DIAPH3: variants seen among roughly 807,000 people sequenced by gnomAD.
DIAPH3 encodes the protein diaphanous related formin 3, also known as protein diaphanous homolog 3.
DIAPH3 carries 117 observed loss-of-function variants against 144.3 expected under a neutral mutation model. That is an observed-to-expected ratio of 0.81 (90% CI 0.70 to 0.95). DIAPH3 has a LOEUF of 0.95. DIAPH3 is among the 40% of genes least tolerant of loss of function. DIAPH3 has a pLI of 0.00. For missense variants in DIAPH3, 1,421 were observed against 1,412.7 expected, an observed-to-expected ratio of 1.01 and a Z score of -0.09; for synonymous variants, 519 against 488.9, an observed-to-expected ratio of 1.06 and a Z score of -0.81.
chr13:59,934,214 GC>G (rs2048155741), intron 17 of DIAPH3, among the ~76,000 whole-genome samples: 1 of 152,040 alleles, frequency 6.6e-6, no homozygotes, highest in African/African-American at 2.4e-5. Context: ...TTTTGTTGGT[GC>G]TCCCTGGTTA....
At chr13:60,015,792 C>T in intron 7 of DIAPH3, 121 bp downstream of exon 7, 1 of 879,342 alleles carries the variant, frequency 1.1e-6, no homozygotes. Context: ...CAATAAAATT[C>T]AATATTTTTC....
intron 4 of DIAPH3, among the ~76,000 whole-genome samples, chr13:60,053,368 G>A (rs2056433443): frequency 6.6e-6 from 1 of 152,032 alleles, no homozygotes; most frequent in Admixed American, 6.6e-5. Flanking sequence ...ACAAAAATTA[G>A]AAGGATATTT....
At chr13:59,818,451 C>T (rs1346214348) in intron 24 of DIAPH3, among the ~76,000 whole-genome samples, 1 of 151,510 alleles carries the variant, frequency 6.6e-6, no homozygotes, top group Non-Finnish European at 1.5e-5. Context: ...ATTGTTGTTG[C>T]TTTGGGGGTC....
intron 7 of DIAPH3, chr13:60,013,048 C>A (rs958230667): frequency 1.0e-6 from 1 of 985,248 alleles, no homozygotes. Context: ...TGTCAACTTA[C>A]CAGTGCTCGG....
chr13:59,796,781 T>A (rs536861117), intron 25 of DIAPH3, among the ~76,000 whole-genome samples: 3 of 152,314 alleles, frequency 2.0e-5, no homozygotes, highest in African/African-American at 4.8e-5. Flanking sequence ...TCATATTTAC[T>A]GTGTAATAAA....
At chr13:60,037,819 G>A (rs759375806) in intron 5 of DIAPH3, among the ~76,000 whole-genome samples, 1 of 151,654 alleles carries the variant, frequency 6.6e-6, no homozygotes, top group Non-Finnish European at 1.5e-5. Flanking sequence ...TTATCAGACG[G>A]GATAAAAAAA....
chr13:60,116,591 CA>C (rs139472286), intron 2 of DIAPH3, among the ~76,000 whole-genome samples: 16 of 146,006 alleles, frequency 1.1e-4, no homozygotes, highest in South Asian at 2.2e-4. Context: ...CACACACATC[CA>C]AAAAAAAAAC....
At chr13:60,074,518 A>G (rs989231350) in intron 4 of DIAPH3, among the ~76,000 whole-genome samples, 1 of 152,182 alleles carries the variant, frequency 6.6e-6, no homozygotes, top group Non-Finnish European at 1.5e-5. Flanking sequence ...CTATCCTGAG[A>G]TATGCAAAAA....
chr13:59,832,331 TA>T (rs1250977363), intron 24 of DIAPH3, among the ~76,000 whole-genome samples: 1 of 151,836 alleles, frequency 6.6e-6, no homozygotes, highest in East Asian at 1.9e-4. Flanking sequence ...ACCTCAGCAA[TA>T]AAGTTTTCCT....
At chr13:59,745,159 T>C (rs750288777) in intron 27 of DIAPH3, among the ~76,000 whole-genome samples, 53 of 152,228 alleles carry the variant, frequency 3.5e-4, no homozygotes, top group Non-Finnish European at 6.2e-4. Flanking sequence ...ACACACAGCC[T>C]GAGGTTTGTC....
intron 25 of DIAPH3, among the ~76,000 whole-genome samples, chr13:59,797,805 A>C (rs2039691166): frequency 6.6e-6 from 1 of 152,128 alleles, no homozygotes; most frequent in Non-Finnish European, 1.5e-5. Context: ...GCTTATCCTC[A>C]TGAGCTAAAC....
chr13:59,753,331 G>A (rs559967615), intron 27 of DIAPH3, among the ~76,000 whole-genome samples: 19 of 152,290 alleles, frequency 1.2e-4, no homozygotes, highest in Admixed American at 9.8e-4. Flanking sequence ...GATCAAGAGT[G>A]TTTATAAATC....
intron 25 of DIAPH3, among the ~76,000 whole-genome samples, chr13:59,793,459 T>A (rs1015240350): frequency 1.3e-5 from 2 of 152,218 alleles, no homozygotes; most frequent in Non-Finnish European, 2.9e-5. Context: ...ACGCTATTCT[T>A]TGAGCTAAAG....
intron 17 of DIAPH3, among the ~76,000 whole-genome samples, chr13:59,963,122 A>G (rs1233562705): frequency 6.6e-6 from 1 of 152,210 alleles, no homozygotes; most frequent in Non-Finnish European, 1.5e-5. Context: ...AGATACAGAG[A>G]TGCACTTAGA....
intron 14 of DIAPH3, among the ~76,000 whole-genome samples, chr13:59,978,929 C>A (rs2050829739): frequency 6.6e-6 from 1 of 151,686 alleles, no homozygotes; most frequent in African/African-American, 2.4e-5. Flanking sequence ...TACTTTCTGA[C>A]ATTTCTGGTC....
At chr13:60,064,275 T>C (rs570646348) in intron 4 of DIAPH3, among the ~76,000 whole-genome samples, 13 of 152,342 alleles carry the variant, frequency 8.5e-5, no homozygotes, top group East Asian at 7.7e-4. Flanking sequence ...AAGAAAGACA[T>C]TGACTTATCT....
At chr13:59,950,851 C>T (rs2049057025) in intron 17 of DIAPH3, among the ~76,000 whole-genome samples, 1 of 152,030 alleles carries the variant, frequency 6.6e-6, no homozygotes, top group Middle Eastern at 3.4e-3. Flanking sequence ...TTGTTATTTA[C>T]TCTAGCAGTA....
intron 24 of DIAPH3, among the ~76,000 whole-genome samples, chr13:59,812,716 G>C (rs2040550552): frequency 6.6e-6 from 1 of 152,140 alleles, no homozygotes; most frequent in Admixed American, 6.5e-5. Flanking sequence ...CAGAAGGCCA[G>C]TATAAAGGTA....
intron 22 of DIAPH3, among the ~76,000 whole-genome samples, chr13:59,845,111 TCTCGG>T (rs1239822389): frequency 6.6e-6 from 1 of 151,524 alleles, no homozygotes; most frequent in Admixed American, 6.6e-5. Context: ...ACTGGTGTGA[TCTCGG>T]CTCACTGCAA....
Sources: allele counts gnomAD v4.1 joint callset (sites outside exome capture counted in the v4.1 genomes callset), GRCh38; gene constraint gnomAD v4.1.1; transcripts MANE v1.5; gene names NCBI Gene and HGNC (gene_info 2026-07-23, HGNC 2026-07-21).